The following NLGN1 variants were observed in gnomAD, a reference collection of about 807,000 sequenced individuals.
NLGN1 encodes the protein neuroligin-1.
NLGN1 carries 12 observed loss-of-function variants against 65.5 expected under a neutral mutation model. That is an observed-to-expected ratio of 0.18 (90% CI 0.12 to 0.30). NLGN1 has a LOEUF of 0.30. NLGN1 is among the 10% of genes least tolerant of loss of function. The pLI is 1.00. For synonymous variants in NLGN1, 350 were observed against 359.5 expected, an observed-to-expected ratio of 0.97 and a Z score of 0.30; for missense variants, 750 against 1,007.1, an observed-to-expected ratio of 0.74 and a Z score of 3.46.
intron 4 of NLGN1, among the ~76,000 whole-genome samples, chr3:174,268,753 ATCT>A (rs1339371132): frequency 5.3e-5 from 8 of 152,082 alleles, no homozygotes; most frequent in Admixed American, 1.3e-4. Flanking sequence ...ATTTACAGTC[ATCT>A]TCTTCTTTCC....
At chr3:173,426,550 T>C (rs1271321132) in intron 1 of NLGN1, among the ~76,000 whole-genome samples, 2 of 152,148 alleles carry the variant, frequency 1.3e-5, no homozygotes, top group Admixed American at 1.3e-4. Flanking sequence ...GATGCTACAT[T>C]TTATCAAATG....
intron 3 of NLGN1, among the ~76,000 whole-genome samples, chr3:173,774,912 G>A (rs1003191408): frequency 1.3e-5 from 2 of 151,852 alleles, no homozygotes; most frequent in Non-Finnish European, 2.9e-5. Context: ...ATTTAAACCC[G>A]ATAAAATCTT....
At chr3:174,052,026 C>T (rs1489631879) in intron 4 of NLGN1, among the ~76,000 whole-genome samples, 1 of 152,048 alleles carries the variant, frequency 6.6e-6, no homozygotes, top group Non-Finnish European at 1.5e-5. Flanking sequence ...GTGGCATAAT[C>T]GGTTTTAACA....
intron 3 of NLGN1, among the ~76,000 whole-genome samples, chr3:173,663,782 A>G (rs1289670825): frequency 2.0e-5 from 3 of 152,012 alleles, no homozygotes; most frequent in African/African-American, 7.2e-5. Flanking sequence ...ATGCTCAAGT[A>G]TAGACAGAGG....
intron 3 of NLGN1, among the ~76,000 whole-genome samples, chr3:173,696,120 A>G (rs1437521087): frequency 6.6e-6 from 1 of 152,184 alleles, no homozygotes; most frequent in Non-Finnish European, 1.5e-5. Flanking sequence ...CCTTATTTAT[A>G]ATTCTTTATG....
At chr3:173,522,454 A>G (rs1734916304) in intron 2 of NLGN1, among the ~76,000 whole-genome samples, 1 of 152,174 alleles carries the variant, frequency 6.6e-6, no homozygotes, top group Non-Finnish European at 1.5e-5. Flanking sequence ...GTTTTGAGAC[A>G]GAGTCTTGCT....
intron 2 of NLGN1, among the ~76,000 whole-genome samples, chr3:173,497,171 G>T (rs1163474709): frequency 6.6e-6 from 1 of 151,850 alleles, no homozygotes; most frequent in East Asian, 1.9e-4. Flanking sequence ...ATCACCTGAG[G>T]TCAGGAGTTC....
chr3:173,707,647 T>C (rs1214897746), intron 3 of NLGN1, among the ~76,000 whole-genome samples: 1 of 152,118 alleles, frequency 6.6e-6, no homozygotes, highest in Admixed American at 6.6e-5. Flanking sequence ...CAGATGTAAA[T>C]TTTGTGACCA....
chr3:174,111,478 A>G (rs2152618772), intron 4 of NLGN1, among the ~76,000 whole-genome samples: 1 of 152,118 alleles, frequency 6.6e-6, no homozygotes, highest in African/African-American at 2.4e-5. Flanking sequence ...GATCAAAATA[A>G]GCTACAGGAA....
At chr3:174,064,510 C>T (rs889392677) in intron 4 of NLGN1, among the ~76,000 whole-genome samples, 1 of 151,350 alleles carries the variant, frequency 6.6e-6, no homozygotes, top group African/African-American at 2.4e-5. Flanking sequence ...ATAACTTAAC[C>T]TCTCTATGCC....
chr3:173,865,715 T>C (rs1730018120), intron 4 of NLGN1, among the ~76,000 whole-genome samples: 1 of 152,158 alleles, frequency 6.6e-6, no homozygotes, highest in African/African-American at 2.4e-5. Flanking sequence ...AAAAGTAAAC[T>C]GCTTCTTGGA....
At chr3:173,450,391 C>T (rs1026968691) in intron 2 of NLGN1, among the ~76,000 whole-genome samples, 1 of 152,196 alleles carries the variant, frequency 6.6e-6, no homozygotes, top group Non-Finnish European at 1.5e-5. Context: ...ATATTGGCCC[C>T]CACTCTCTTC....
At chr3:174,217,572 T>A (rs1483535628) in intron 4 of NLGN1, among the ~76,000 whole-genome samples, 2 of 152,032 alleles carry the variant, frequency 1.3e-5, no homozygotes, top group African/African-American at 4.8e-5. Context: ...CTCTGTGGGA[T>A]CCCTTTTATA....
chr3:173,883,156 C>T (rs888393318), intron 4 of NLGN1, among the ~76,000 whole-genome samples: 8 of 150,950 alleles, frequency 5.3e-5, no homozygotes, highest in Non-Finnish European at 1.0e-4. Flanking sequence ...TTAATCATTT[C>T]TAGGTTTTGA....
intron 4 of NLGN1, among the ~76,000 whole-genome samples, chr3:174,102,943 C>T (rs929170885): frequency 2.0e-5 from 3 of 152,084 alleles, no homozygotes; most frequent in Non-Finnish European, 4.4e-5. Context: ...AATGAGATTC[C>T]GACTTGAAGT....
intron 4 of NLGN1, among the ~76,000 whole-genome samples, chr3:174,011,800 C>T (rs968136070): frequency 6.6e-6 from 1 of 152,140 alleles, no homozygotes; most frequent in Non-Finnish European, 1.5e-5. Flanking sequence ...GTTCCAGACA[C>T]TGGTCTAGGC....
At chr3:174,138,912 T>C (rs1401550183) in intron 4 of NLGN1, among the ~76,000 whole-genome samples, 1 of 152,214 alleles carries the variant, frequency 6.6e-6, no homozygotes, top group South Asian at 2.1e-4. Context: ...ATTATCTGGT[T>C]TAATTAAGTT....
At chr3:173,477,791 T>C (rs933117071) in intron 2 of NLGN1, among the ~76,000 whole-genome samples, 1 of 152,198 alleles carries the variant, frequency 6.6e-6, no homozygotes, top group Admixed American at 6.5e-5. Flanking sequence ...GAAGTGTCTG[T>C]TCATGTCCTT....
At chr3:173,578,209 C>T (rs1745829310) in intron 2 of NLGN1, among the ~76,000 whole-genome samples, 1 of 144,946 alleles carries the variant, frequency 6.9e-6, no homozygotes. Context: ...GCACTCCAGC[C>T]TGGGCGACAG....
Sources: allele counts gnomAD v4.1 joint callset (sites outside exome capture counted in the v4.1 genomes callset), GRCh38; gene constraint gnomAD v4.1.1; transcripts MANE v1.5; gene names NCBI Gene and HGNC (gene_info 2026-07-23, HGNC 2026-07-21).